Variants in CADPS observed in about 807,000 individuals in gnomAD.
CADPS encodes the protein calcium dependent secretion activator.
In CADPS, 57 loss-of-function variants were observed where a neutral mutation model predicts 167.3. That is an observed-to-expected ratio of 0.34 (90% CI 0.28 to 0.42). CADPS has a LOEUF of 0.42. CADPS is among the 20% of genes least tolerant of loss of function. CADPS has a pLI of 1.00. For missense variants in CADPS, 1,414 were observed against 1,738.1 expected, an observed-to-expected ratio of 0.81 and a Z score of 3.32; for synonymous variants, 676 against 635.3, an observed-to-expected ratio of 1.06 and a Z score of -0.96.
chr3:62,731,480 T>C lies in CADPS; in HGVS notation c.888+21961A>G, dbSNP rs2077782492. Among the ~76,000 whole-genome samples the C allele has an allele frequency of 2.0e-5, 3 of 152,046 alleles. No individual in the cohort carries two copies. The South Asian group carries it at 6.2e-4, about 32-fold the overall frequency. ...ACCTTCCAAACTGAGGTAGTCCACA[T>C]TTGTCATTGTGGTTAATAACTTGTA... On this transcript the variant is annotated intron_variant, in intron 3 of 29. Transcript: ENST00000383710.
At position 62,753,681 on chromosome 3, in the gene CADPS, C is replaced by T. The variant is rs762944792; in HGVS notation, c.648G>A (p.Glu216=). The change falls in exon 3 of 30, where the codon GAG becomes GAA. Residue 216 remains glutamate, a synonymous_variant. Transcript: ENST00000383710. The surrounding 1 kb of genome is among the most constrained non-coding windows in gnomAD (Gnocchi z 4.6). ...TCTCAGGCAGGCTGCGCACTCTCTT[C>T]TCAATGTGCTTCTTGAAGACCTCCC... ...DSREVFKKHI[E]KRVRSLPEID... is the part of the protein sequence containing the mutation. The T allele has an allele frequency of 7.4e-6, 12 of 1,614,080 alleles. No individual in the cohort carries two copies. The highest frequency in any genetic ancestry group is 9.3e-6 in the Non-Finnish European group (11 of 1,180,042).
At chr3:62,566,552 G>A (rs2080246986) in intron 9 of CADPS, among the ~76,000 whole-genome samples, 1 of 151,798 alleles carries the variant, frequency 6.6e-6, no homozygotes, top group African/African-American at 2.4e-5. Context: ...TTATGATATT[G>A]ATAAAGTGCT....
chr3:62,651,839 T>C (rs2070233017), intron 4 of CADPS, among the ~76,000 whole-genome samples: 1 of 152,096 alleles, frequency 6.6e-6, no homozygotes, highest in Non-Finnish European at 1.5e-5. Flanking sequence ...AAACTTGCCC[T>C]CCCCAAGCCC....
intron 17 of CADPS, among the ~76,000 whole-genome samples, chr3:62,505,206 A>G (rs1380710669): frequency 6.6e-6 from 1 of 152,052 alleles, no homozygotes; most frequent in East Asian, 1.9e-4. Context: ...AATCTAATAC[A>G]ATTTATTTAG....
At chr3:62,686,147 TTACG>T (rs1350251251) in intron 3 of CADPS, among the ~76,000 whole-genome samples, 2 of 151,966 alleles carry the variant, frequency 1.3e-5, no homozygotes, top group African/African-American at 4.8e-5. Context: ...AGCAAGACAA[TTACG>T]AAGAATGAGG....
intron 8 of CADPS, among the ~76,000 whole-genome samples, chr3:62,573,722 G>A (rs2081745052): frequency 6.6e-6 from 1 of 152,088 alleles, no homozygotes; most frequent in East Asian, 1.9e-4. Flanking sequence ...TTACTTTGAT[G>A]TCATCATCTC....
chr3:62,553,065 T>C (rs1358473428), intron 10 of CADPS, among the ~76,000 whole-genome samples: 1 of 152,160 alleles, frequency 6.6e-6, no homozygotes, highest in Non-Finnish European at 1.5e-5. Context: ...AGCAGGTCAA[T>C]AGACCTGTAG....
chr3:62,734,260 T>C (rs1172291698), intron 3 of CADPS, among the ~76,000 whole-genome samples: 1 of 152,198 alleles, frequency 6.6e-6, no homozygotes, highest in African/African-American at 2.4e-5. Flanking sequence ...GGAAATGTTC[T>C]ATGTCTGTGC....
chr3:62,702,894 G>A (rs76412466), intron 3 of CADPS, among the ~76,000 whole-genome samples: 12,155 of 152,120 alleles, frequency 0.08, 603 homozygotes, highest in South Asian at 0.16. Context: ...TCCTCACAAT[G>A]ATCCCATGCA....
At chr3:62,445,245 TA>T (rs1336356243) in intron 27 of CADPS, among the ~76,000 whole-genome samples, 2 of 152,194 alleles carry the variant, frequency 1.3e-5, no homozygotes, top group Non-Finnish European at 2.9e-5. Context: ...GAGGTTTCCT[TA>T]AAACAATTGC....
chr3:62,757,551 A>C (rs1264062477), intron 2 of CADPS, among the ~76,000 whole-genome samples: 1 of 152,124 alleles, frequency 6.6e-6, no homozygotes, highest in South Asian at 2.1e-4. Context: ...TTGGGGCGAG[A>C]AGGTCAACGG....
Position 62,847,046 on chromosome 3 carries a change from T to C in CADPS, c.441+27543A>G, listed in dbSNP as rs527550489. On this transcript the variant is annotated intron_variant, in intron 1 of 29. Transcript: ENST00000383710. ...GTGTTTTAAACCACTTTAGTCATTA[T>C]CCTGACTAATGCTCAAACTGTCTGT... Among the ~76,000 whole-genome samples the C allele has an allele frequency of 2.7e-4, 41 of 152,346 alleles. No individual in the cohort carries two copies. The South Asian group carries it at 3.3e-3, about 12-fold the overall frequency.
At chr3:62,701,614 A>AT (rs1003444184) in intron 3 of CADPS, among the ~76,000 whole-genome samples, 1 of 151,360 alleles carries the variant, frequency 6.6e-6, no homozygotes, top group Non-Finnish European at 1.5e-5. Flanking sequence ...TCTAAAAAAA[A>AT]AAAAAAAAGA....
intron 6 of CADPS, among the ~76,000 whole-genome samples, chr3:62,643,990 C>A (rs972614660): frequency 1.3e-5 from 2 of 152,190 alleles, no homozygotes; most frequent in Non-Finnish European, 2.9e-5. Context: ...TGACGTGTGA[C>A]AAGGTGCATT....
At chr3:62,831,297 A>G (rs756689758) in intron 1 of CADPS, among the ~76,000 whole-genome samples, 1 of 152,192 alleles carries the variant, frequency 6.6e-6, no homozygotes, top group Non-Finnish European at 1.5e-5. Context: ...GAGAGGTGAA[A>G]TAACTTTTCC....
chr3:62,700,897 T>C (rs144170172), intron 3 of CADPS, among the ~76,000 whole-genome samples: 31 of 152,190 alleles, frequency 2.0e-4, no homozygotes, highest in African/African-American at 6.7e-4. Context: ...CTCACAGTTG[T>C]GGAGGCTGGA....
At chr3:62,680,512 T>C (rs1439927445) in intron 3 of CADPS, among the ~76,000 whole-genome samples, 2 of 152,058 alleles carry the variant, frequency 1.3e-5, no homozygotes, top group East Asian at 3.9e-4. Context: ...AATGCTCTCC[T>C]GTCCTCCTCT....
At chr3:62,639,317 G>A (rs1438650174) in intron 6 of CADPS, among the ~76,000 whole-genome samples, 2 of 152,154 alleles carry the variant, frequency 1.3e-5, no homozygotes, top group Non-Finnish European at 2.9e-5. Context: ...CAAGCTCCAC[G>A]TTCTCGCTAC....
intron 12 of CADPS, among the ~76,000 whole-genome samples, chr3:62,534,667 G>C (rs1040322597): frequency 6.6e-6 from 1 of 152,104 alleles, no homozygotes; most frequent in Non-Finnish European, 1.5e-5. Context: ...CTCAGTCGAA[G>C]ACACAGAAAA....
Sources: allele counts gnomAD v4.1 joint callset (sites outside exome capture counted in the v4.1 genomes callset), GRCh38; gene constraint gnomAD v4.1.1; non-coding constraint Gnocchi (gnomAD v3.1); transcripts MANE v1.5; gene names NCBI Gene and HGNC (gene_info 2026-07-23, HGNC 2026-07-21).